Variants in MAP6 observed in about 807,000 individuals in gnomAD.
The protein encoded by MAP6 is microtubule associated protein 6.
MAP6 carries 26 observed loss-of-function variants against 42.4 expected under a neutral mutation model. The observed-to-expected ratio is 0.61, with a 90% CI of 0.45 to 0.85. The LOEUF (loss-of-function observed/expected upper bound fraction) is 0.85, where lower values mean the gene tolerates loss of function less well. Ranked by LOEUF, MAP6 falls within the 40% of genes least tolerant of loss-of-function variation. The probability of loss-of-function intolerance (pLI) is 0.00; values close to 1 mark genes in which losing one functional copy is unlikely to be tolerated. For missense variants in MAP6, 966 were observed against 1,099.0 expected, an observed-to-expected ratio of 0.88 and a Z score of 1.71; for synonymous variants, 418 against 443.8, an observed-to-expected ratio of 0.94 and a Z score of 0.73.
chr11:75,662,136 A>C (rs1174328339), intron 1 of MAP6, among the ~76,000 whole-genome samples: 1 of 152,186 alleles, frequency 6.6e-6, no homozygotes, highest in Admixed American at 6.5e-5. Flanking sequence ...CCCAGATATA[A>C]TATCTAAAGA....
chr11:75,651,893 T>C (rs1943651873), intron 1 of MAP6, among the ~76,000 whole-genome samples: 1 of 152,206 alleles, frequency 6.6e-6, no homozygotes, highest in Non-Finnish European at 1.5e-5. Context: ...ATAACCTAGA[T>C]CAGAAATTGG....
rs554442493 is a variant in MAP6 at position 75,589,294 on chromosome 11, A to G, written c.1317-1110T>C. Among the ~76,000 whole-genome samples, 3 of 152,274 alleles carry G rather than the reference A, an allele frequency of 2.0e-5. No individual in the cohort carries two copies. The East Asian group carries it at 5.8e-4, about 29-fold the overall frequency. ...CCCACACTGTGGAGAGCGTGTGACA[A>G]CACTAACACTCAAAGGCAAGCATTG... On this transcript the variant is annotated intron_variant, in intron 3 of 3. Transcript: ENST00000304771.
intron 3 of MAP6, among the ~76,000 whole-genome samples, chr11:75,601,739 CCGAGCTCTGTCA>C (rs1346629736): frequency 6.6e-6 from 1 of 150,464 alleles, no homozygotes; most frequent in Non-Finnish European, 1.5e-5. Flanking sequence ...CTCTCCACCA[CCGAGCTCTGTCA>C]CTCTCCAGCC....
chr11:75,602,221 C>T (rs995794477), intron 3 of MAP6, among the ~76,000 whole-genome samples: 1 of 152,092 alleles, frequency 6.6e-6, no homozygotes, highest in Non-Finnish European at 1.5e-5. Context: ...ATATCCACAC[C>T]CCAGCTGCTT....
At chr11:75,592,351 A>G (rs1942495775) in intron 3 of MAP6, among the ~76,000 whole-genome samples, 1 of 152,166 alleles carries the variant, frequency 6.6e-6, no homozygotes, top group African/African-American at 2.4e-5. Context: ...TGCAGCCCCA[A>G]TGCCCAGCAC....
intron 3 of MAP6, chr11:75,603,371 T>G (rs1942700449): frequency 1.0e-6 from 1 of 985,632 alleles, no homozygotes; most frequent in Admixed American, 6.2e-5. Flanking sequence ...TCAGTACGTT[T>G]GGGATATAGA....
chr11:75,613,749 T>C (rs1365354688), intron 1 of MAP6, among the ~76,000 whole-genome samples: 1 of 152,164 alleles, frequency 6.6e-6, no homozygotes, highest in African/African-American at 2.4e-5. Flanking sequence ...TCAATCAATA[T>C]ATTCAGATCT....
chr11:75,592,044 C>G (rs1266307451), intron 3 of MAP6, among the ~76,000 whole-genome samples: 1 of 152,228 alleles, frequency 6.6e-6, no homozygotes, highest in African/African-American at 2.4e-5. Flanking sequence ...CCTGGGGGAA[C>G]CCCATTTTCC....
In MAP6 at chr11:75,668,029, G is replaced by C; in HGVS notation, c.341C>G (p.Ser114Cys). 1.3e-5 allele frequency: 16 copies of C among 1,232,782 alleles called. No individual in the cohort carries two copies. Among genetic ancestry groups the C allele is most frequent in the Non-Finnish European group, 1.2e-5 (12 of 988,148 alleles). 76.4% of individuals were successfully genotyped at this position (1,232,782 alleles called of 1,614,324 possible). Residue 114 changes from serine (S) to cysteine (C), a missense_variant, in exon 1 of 4, where the codon TCC (serine) becomes TGC (cysteine). Ser to Cys is a moderately radical substitution (Grantham distance 112, BLOSUM62 -1). Transcript: ENST00000304771. ...CCGCATCACCGAGTCCGCGGGGCCG[G>C]AGGTGGAGCCGGAGCCCAGGCCCGG... Reference protein sequence around the residue: ...PGPGLGSGSTSGPADSVMRQD... With the variant: ...PGPGLGSGSTCGPADSVMRQD...
intron 1 of MAP6, among the ~76,000 whole-genome samples, chr11:75,655,149 T>C (rs1007241879): frequency 6.6e-6 from 1 of 152,212 alleles, no homozygotes. Flanking sequence ...GTCCCAGCCT[T>C]GGCATGCTCT....
At position 75,588,003 on chromosome 11, in the gene MAP6, T is replaced by C. The variant is rs1942394516; in HGVS notation, c.1498A>G (p.Ile500Val). The C allele has an allele frequency of 3.7e-6, 6 of 1,614,034 alleles. No homozygotes were observed. The highest frequency in any genetic ancestry group is 5.1e-6 in the Non-Finnish European group (6 of 1,179,990). ...TCTTGATCCTTGACTGGTAATGGGA[T>C]CATGGGACCTAGATCCTTTGGAGGC... is the stretch of plus-strand genomic sequence containing the variant. ...PGPPKDLGPM[I>V]PLPVKDQDHT... The change falls in exon 4 of 4, where the codon ATC becomes GTC. Residue 500 changes from isoleucine (I) to valine (V), a missense_variant. Ile to Val is a conservative substitution (Grantham distance 29). Around this residue, in one of 2 missense-constraint regions of MAP6, gnomAD observed 943 missense variants for 1,049.9 expected, o/e 0.90. Transcript: ENST00000304771.
At chr11:75,638,983 T>C (rs1943416859) in intron 1 of MAP6, among the ~76,000 whole-genome samples, 1 of 152,146 alleles carries the variant, frequency 6.6e-6, no homozygotes, top group Non-Finnish European at 1.5e-5. Context: ...GACAATGAAA[T>C]CATGTCTTTT....
intron 3 of MAP6, among the ~76,000 whole-genome samples, chr11:75,590,430 C>T (rs1445794934): frequency 1.3e-5 from 2 of 152,128 alleles, no homozygotes; most frequent in Non-Finnish European, 2.9e-5. Flanking sequence ...AAGGCCAGCC[C>T]TGCAGCCTGG....
At chr11:75,631,069 G>A (rs75726979) in intron 1 of MAP6, among the ~76,000 whole-genome samples, 2,254 of 152,290 alleles carry the variant, frequency 0.015, 67 homozygotes, top group East Asian at 0.13. Flanking sequence ...ATAATAAAGT[G>A]CCGGGCACAC....
chr11:75,608,856 A>G (rs1262219324), intron 1 of MAP6, among the ~76,000 whole-genome samples: 1 of 152,218 alleles, frequency 6.6e-6, no homozygotes, highest in Non-Finnish European at 1.5e-5. Context: ...CCATTTGAAT[A>G]GCAGAGGGCT....
chr11:75,641,180 T>C (rs1307463460), intron 1 of MAP6, among the ~76,000 whole-genome samples: 1 of 152,054 alleles, frequency 6.6e-6, no homozygotes, highest in Non-Finnish European at 1.5e-5. Context: ...TCATGTCCTT[T>C]GTAGGGACAT....
intron 3 of MAP6, chr11:75,603,125 G>C: frequency 4.1e-6 from 4 of 985,558 alleles, no homozygotes; most frequent in Non-Finnish European, 4.8e-6. Flanking sequence ...AAAGCTATGT[G>C]GACCGAATGG....
chr11:75,645,502 C>T (rs1380735895), intron 1 of MAP6, among the ~76,000 whole-genome samples: 1 of 152,072 alleles, frequency 6.6e-6, no homozygotes, highest in Non-Finnish European at 1.5e-5. Context: ...CAGTGAAACC[C>T]TGAAATATTT....
chr11:75,610,964 G>A (rs1467601230), intron 1 of MAP6, among the ~76,000 whole-genome samples: 1 of 152,152 alleles, frequency 6.6e-6, no homozygotes, highest in Non-Finnish European at 1.5e-5. Context: ...CAACAAGGCT[G>A]TTCTTGGATC....
Sources: allele counts gnomAD v4.1 joint callset (sites outside exome capture counted in the v4.1 genomes callset), GRCh38; gene constraint gnomAD v4.1.1; regional missense constraint gnomAD v4.1.1; transcripts MANE v1.5; gene names NCBI Gene and HGNC (gene_info 2026-07-23, HGNC 2026-07-21).